LUZP2: variants seen among roughly 807,000 people sequenced by gnomAD.
The protein encoded by LUZP2 is leucine zipper protein 2.
Under a neutral mutation model 51.6 loss-of-function variants are expected in LUZP2, and 52 were observed. The ratio of observed to expected loss-of-function variants is 1.01; its 90% CI spans 0.81 to 1.27. LUZP2 has a LOEUF of 1.27. Among genes scored for constraint, LUZP2 ranks in the 50% most tolerant of loss-of-function variants. The pLI is 0.00. For missense variants in LUZP2, 436 were observed against 395.4 expected (o/e 1.10, Z -0.87); for synonymous variants, 154 against 137.3 (o/e 1.12, Z -0.85).
chr11:25,003,032 G>A (rs974162036), intron 9 of LUZP2, among the ~76,000 whole-genome samples: 16 of 152,178 alleles, frequency 1.1e-4, no homozygotes, highest in African/African-American at 3.9e-4. Flanking sequence ...CTTACGGAGG[G>A]CCCTGGTTCC....
chr11:24,966,842 A>G (rs559584808), intron 7 of LUZP2, among the ~76,000 whole-genome samples: 1 of 147,454 alleles, frequency 6.8e-6, no homozygotes, highest in South Asian at 2.1e-4. Context: ...TATACATTAT[A>G]TAATGGATAT....
intron 1 of LUZP2, among the ~76,000 whole-genome samples, chr11:24,581,285 A>G (rs1852844380): frequency 6.6e-6 from 1 of 152,160 alleles, no homozygotes; most frequent in Non-Finnish European, 1.5e-5. Flanking sequence ...AAGTAAACAA[A>G]AACAGTGATC....
At chr11:24,754,494 A>G (rs944440029) in intron 4 of LUZP2, among the ~76,000 whole-genome samples, 2 of 152,182 alleles carry the variant, frequency 1.3e-5, no homozygotes, top group African/African-American at 4.8e-5. Flanking sequence ...TCTGTTTTGT[A>G]TCAACAGGGT....
chr11:24,751,802 G>A lies in LUZP2; in HGVS notation c.334-11444G>A, dbSNP rs373528673. On this transcript the variant is annotated intron_variant, in intron 4 of 11. Transcript: ENST00000336930. ...AAACACTACACATTGCACTACATAC[G>A]CATTCTGAAGCAGAATTACTGGAGT... is the stretch of plus-strand genomic sequence containing the variant. Among the ~76,000 whole-genome samples the A allele has an allele frequency of 5.0e-4, 76 of 151,618 alleles. No homozygotes were observed. In the Middle Eastern group the frequency reaches 0.028, roughly 57 times the overall value.
At chr11:25,023,342 G>A (rs532767743) in intron 9 of LUZP2, among the ~76,000 whole-genome samples, 2 of 152,108 alleles carry the variant, frequency 1.3e-5, no homozygotes, top group South Asian at 4.2e-4. Context: ...TCTATTCGGG[G>A]ATTCAACTTC....
At position 24,533,782 on chromosome 11, in the gene LUZP2, C is replaced by T. The variant is rs573154277; in HGVS notation, c.62+36477C>T. Among the ~76,000 whole-genome samples, 218 of 149,128 alleles carry T rather than the reference C, an allele frequency of 1.5e-3. 2 individuals are homozygous for T. The highest frequency in any genetic ancestry group is 4.8e-3 in the African/African-American group (195 of 41,044). On this transcript the variant is annotated intron_variant, in intron 1 of 11. Coordinates refer to ENST00000336930, the MANE Select transcript of LUZP2 (RefSeq NM_001009909.4). ...GGGACAATCTATTTCAAATTATTTG[C>T]CTCGTTCTCCATGTGCACATATAAA...
chr11:24,693,729 C>A (rs1857151906), intron 1 of LUZP2, among the ~76,000 whole-genome samples: 3 of 151,818 alleles, frequency 2.0e-5, no homozygotes, highest in Admixed American at 2.0e-4. Context: ...AAAGCAGAGA[C>A]AAAAGACACA....
At chr11:24,768,119 T>C (rs539456212) in intron 5 of LUZP2, among the ~76,000 whole-genome samples, 8 of 151,746 alleles carry the variant, frequency 5.3e-5, no homozygotes, top group African/African-American at 1.9e-4. Flanking sequence ...GACAAGCATC[T>C]TTAATTAGTT....
intron 5 of LUZP2, among the ~76,000 whole-genome samples, chr11:24,898,353 G>A (rs570614510): frequency 3.3e-5 from 5 of 152,152 alleles, no homozygotes; most frequent in African/African-American, 4.8e-5. Context: ...GGCCGGGCGC[G>A]GTGGCTCATG....
At chr11:24,728,590 A>G (rs1242286270) in intron 1 of LUZP2, among the ~76,000 whole-genome samples, 1 of 151,826 alleles carries the variant, frequency 6.6e-6, no homozygotes, top group African/African-American at 2.4e-5. Context: ...AAAACATCTC[A>G]TTTACTTTCA....
chr11:24,798,608 A>C (rs1037787785), intron 5 of LUZP2, among the ~76,000 whole-genome samples: 1 of 152,174 alleles, frequency 6.6e-6, no homozygotes, highest in Non-Finnish European at 1.5e-5. Context: ...CACAAGGGAC[A>C]TTTAGTCTAG....
intron 9 of LUZP2, among the ~76,000 whole-genome samples, chr11:24,984,743 A>AT (rs1856144585): frequency 6.6e-6 from 1 of 151,168 alleles, no homozygotes; most frequent in Non-Finnish European, 1.5e-5. Flanking sequence ...TCTTCAACGA[A>AT]GTCCCTCAGA....
At chr11:24,656,241 T>A (rs1285509568) in intron 1 of LUZP2, among the ~76,000 whole-genome samples, 6 of 152,142 alleles carry the variant, frequency 3.9e-5, no homozygotes, top group Admixed American at 2.6e-4. Context: ...CTAGATAATG[T>A]CAAAACAAGT....
intron 1 of LUZP2, among the ~76,000 whole-genome samples, chr11:24,612,115 T>A (rs1854143060): frequency 6.6e-6 from 1 of 152,014 alleles, no homozygotes; most frequent in Non-Finnish European, 1.5e-5. Flanking sequence ...GCTAGAAAAA[T>A]ATATTAAAAC....
rs1434748417 is a variant in LUZP2, at chr11:24,497,055, T to C, written c.-189T>C. The C allele has an allele frequency of 6.9e-6, 3 of 433,918 alleles. No homozygotes were observed. The highest frequency in any genetic ancestry group is 1.2e-5 in the Non-Finnish European group (3 of 245,924). 26.9% of individuals were successfully genotyped at this position (433,918 alleles called of 1,614,324 possible). A position where few individuals can be genotyped will look rare whatever the true frequency, so the allele number is the denominator to read the frequency against. ...GGGCTCGCCTCGCCGGTGACATCAC[T>C]CCTGAAGATACTCCTCGCTCCCAGC... On this transcript the variant is annotated 5_prime_UTR_variant, in exon 1 of 12. Coordinates refer to ENST00000336930, the MANE Select transcript of LUZP2 (RefSeq NM_001009909.4).
chr11:24,614,246 TTTG>T (rs1380437575), intron 1 of LUZP2, among the ~76,000 whole-genome samples: 2 of 152,040 alleles, frequency 1.3e-5, no homozygotes, highest in Non-Finnish European at 2.9e-5. Context: ...CCATTCCATT[TTTG>T]GTAAGTCTTC....
At chr11:25,004,694 A>G (rs1214058192) in intron 9 of LUZP2, among the ~76,000 whole-genome samples, 1 of 152,182 alleles carries the variant, frequency 6.6e-6, no homozygotes, top group African/African-American at 2.4e-5. Context: ...ACATCATTGA[A>G]TAACTCATGG....
chr11:24,852,423 A>C (rs2134225652), intron 5 of LUZP2, among the ~76,000 whole-genome samples: 1 of 152,238 alleles, frequency 6.6e-6, no homozygotes, highest in Non-Finnish European at 1.5e-5. Flanking sequence ...GTTTTGAGTG[A>C]GTTTCTTAAT....
chr11:24,534,047 A>G (rs1851094345), intron 1 of LUZP2, among the ~76,000 whole-genome samples: 1 of 151,246 alleles, frequency 6.6e-6, no homozygotes, highest in East Asian at 1.9e-4. Flanking sequence ...TAAATAAATA[A>G]GCTCTGTGGA....
Sources: allele counts gnomAD v4.1 joint callset (sites outside exome capture counted in the v4.1 genomes callset), GRCh38; gene constraint gnomAD v4.1.1; transcripts MANE v1.5; gene names NCBI Gene and HGNC (gene_info 2026-07-23, HGNC 2026-07-21).